Variants in GKAP1 observed in about 807,000 individuals in gnomAD.
GKAP1 encodes the protein G kinase-anchoring protein 1.
GKAP1 carries 31 observed loss-of-function variants against 56.7 expected under a neutral mutation model. That is an observed-to-expected ratio of 0.55 (90% CI 0.41 to 0.74). The LOEUF (loss-of-function observed/expected upper bound fraction) is 0.74. Ranked by LOEUF, GKAP1 falls within the 30% of genes least tolerant of loss-of-function variation. The pLI is 0.00. For synonymous variants in GKAP1, 151 were observed against 138.6 expected (o/e 1.09, Z -0.63); for missense variants, 364 against 402.3 (o/e 0.90, Z 0.82).
chr9:83,752,444 T>C (rs1449759873), intron 9 of GKAP1, among the ~76,000 whole-genome samples: 1 of 151,952 alleles, frequency 6.6e-6, no homozygotes, highest in Non-Finnish European at 1.5e-5. Flanking sequence ...AAAAACCACA[T>C]TATGCTAAGT....
At chr9:83,801,874 A>G (rs889882606) in intron 3 of GKAP1, among the ~76,000 whole-genome samples, 3 of 152,208 alleles carry the variant, frequency 2.0e-5, no homozygotes, top group Non-Finnish European at 4.4e-5. Context: ...TTTCCTTTAA[A>G]GTTACTGTGT....
chr9:83,742,594 T>A lies in GKAP1; in HGVS notation c.911A>T (p.Asp304Val). Residue 304 changes from aspartate (D) to valine (V), a missense_variant, in exon 11 of 13, where the codon GAT (aspartate) becomes GTT (valine). By Grantham distance (152) the Asp-to-Val change is radical. Transcript: ENST00000376371. ...AACTTGCAGAAGTATTTCTGCCTTA[T>A]CTTTCACTGACAAAAAAGGAAAAAC... ...LKMLQEGEMKDKAEILLQVDE... is the reference protein window; with the variant it reads ...LKMLQEGEMKVKAEILLQVDE... The A allele has an allele frequency of 6.2e-7, 1 of 1,610,918 alleles. No individual in the cohort carries two copies. Among genetic ancestry groups the A allele is most frequent in the Non-Finnish European group, 8.5e-7 (1 of 1,178,604 alleles).
At chr9:83,740,667 A>C (rs954855181) in intron 12 of GKAP1, among the ~76,000 whole-genome samples, 1 of 152,158 alleles carries the variant, frequency 6.6e-6, no homozygotes, top group Non-Finnish European at 1.5e-5. Context: ...ACACCTATTT[A>C]ATTGGCTAAC....
At chr9:83,744,071 G>A (rs1173433963) in intron 10 of GKAP1, among the ~76,000 whole-genome samples, 1 of 152,116 alleles carries the variant, frequency 6.6e-6, no homozygotes, top group Non-Finnish European at 1.5e-5. Context: ...ATGATAAGAT[G>A]AAACACCCTA....
chr9:83,782,056 G>T (rs530306389), intron 6 of GKAP1, among the ~76,000 whole-genome samples: 2 of 151,810 alleles, frequency 1.3e-5, no homozygotes, highest in African/African-American at 4.8e-5. Flanking sequence ...GTTAGCCAGG[G>T]TGGTCTTGAT....
intron 4 of GKAP1, among the ~76,000 whole-genome samples, chr9:83,797,640 C>T (rs572491535): frequency 6.6e-6 from 1 of 152,326 alleles, no homozygotes; most frequent in East Asian, 1.9e-4. Flanking sequence ...GGGCCTTCAA[C>T]GGCATCCTTA....
At chr9:83,790,659 A>G (rs1002664722) in intron 4 of GKAP1, among the ~76,000 whole-genome samples, 4 of 151,994 alleles carry the variant, frequency 2.6e-5, no homozygotes, top group Non-Finnish European at 5.9e-5. Flanking sequence ...CAAACAAACA[A>G]AAAAACAGCC....
At chr9:83,746,010 C>T (rs1180260666) in intron 10 of GKAP1, among the ~76,000 whole-genome samples, 3 of 151,980 alleles carry the variant, frequency 2.0e-5, no homozygotes, top group African/African-American at 7.3e-5. Context: ...AGGGTGGTCT[C>T]GAACTCCTAA....
At chr9:83,796,231 C>A (rs1476066559) in intron 4 of GKAP1, among the ~76,000 whole-genome samples, 1 of 152,030 alleles carries the variant, frequency 6.6e-6, no homozygotes, top group African/African-American at 2.4e-5. Flanking sequence ...TGCACTCGGC[C>A]TATCAACATA....
intron 11 of GKAP1, 28 bp from the exon 12 acceptor site, chr9:83,742,057 G>C (rs1394349827): frequency 6.7e-7 from 1 of 1,486,718 alleles, no homozygotes; most frequent in Non-Finnish European, 9.2e-7. Flanking sequence ...ATAAGAAAAA[G>C]AATTTTTGGG....
At chr9:83,812,289 A>G (rs896536256) in intron 2 of GKAP1, among the ~76,000 whole-genome samples, 1 of 148,278 alleles carries the variant, frequency 6.7e-6, no homozygotes, top group African/African-American at 2.5e-5. Context: ...ACACATATAT[A>G]CGTATATATA....
intron 8 of GKAP1, among the ~76,000 whole-genome samples, chr9:83,754,991 G>C (rs988903774): frequency 3.3e-5 from 5 of 152,200 alleles, no homozygotes; most frequent in African/African-American, 1.2e-4. Context: ...GTATATTTGA[G>C]AAATAATTTG....
At chr9:83,811,415 C>T (rs1169372525) in intron 2 of GKAP1, among the ~76,000 whole-genome samples, 1 of 152,134 alleles carries the variant, frequency 6.6e-6, no homozygotes, top group Non-Finnish European at 1.5e-5. Context: ...ACAGTTGAGA[C>T]TATATCTTAA....
At chr9:83,810,195 A>G (rs1237208727) in intron 2 of GKAP1, among the ~76,000 whole-genome samples, 1 of 152,152 alleles carries the variant, frequency 6.6e-6, no homozygotes, top group Non-Finnish European at 1.5e-5. Flanking sequence ...AATAATTCCA[A>G]CTGTTGTAAA....
intron 4 of GKAP1, among the ~76,000 whole-genome samples, chr9:83,796,486 T>C (rs1468905260): frequency 1.3e-5 from 2 of 152,204 alleles, no homozygotes; most frequent in African/African-American, 4.8e-5. Flanking sequence ...TTTTGTTTTT[T>C]TGAGATGGAG....
intron 2 of GKAP1, among the ~76,000 whole-genome samples, chr9:83,813,238 A>G (rs1944536581): frequency 1.3e-5 from 2 of 152,336 alleles, no homozygotes; most frequent in Non-Finnish European, 2.9e-5. Flanking sequence ...CTATGCTTAG[A>G]CATTTATATA....
chr9:83,742,551 G>T lies in GKAP1; in HGVS notation c.954C>A (p.Ile318=). 6.2e-7 allele frequency: 1 copy of T among 1,612,000 alleles called. No homozygotes were observed. The highest frequency in any genetic ancestry group is 8.5e-7 in the Non-Finnish European group (1 of 1,179,026). Residue 318 remains isoleucine (I), a synonymous_variant, in exon 11 of 13, where the codon ATC becomes ATA. Coordinates refer to ENST00000376371, the MANE Select transcript of GKAP1 (RefSeq NM_025211.4). ...ILLQVDESQS[I]KNELTIQVTS... is the part of the protein sequence containing the mutation. ...TTACCTGAATAGTGAGCTCATTCTT[G>T]ATACTTTGTGATTCATCAACTTGCA...
chr9:83,758,424 G>A (rs1587697772), intron 8 of GKAP1, among the ~76,000 whole-genome samples: 1 of 152,030 alleles, frequency 6.6e-6, no homozygotes, highest in East Asian at 1.9e-4. Flanking sequence ...CATTTTCCTA[G>A]AAAAACACTA....
chr9:83,801,397 T>G (rs10435945), intron 3 of GKAP1, among the ~76,000 whole-genome samples: 6,902 of 97,974 alleles, frequency 0.07, 418 homozygotes, highest in African/African-American at 0.22. Flanking sequence ...CAAGTTTGTG[T>G]TTTTTTTTTT....
Sources: allele counts gnomAD v4.1 joint callset (sites outside exome capture counted in the v4.1 genomes callset), GRCh38; gene constraint gnomAD v4.1.1; transcripts MANE v1.5; gene names NCBI Gene and HGNC (gene_info 2026-07-23, HGNC 2026-07-21).